Variants in HOXD3 observed in about 807,000 individuals in gnomAD.
HOXD3 encodes the protein homeobox protein Hox-D3.
In HOXD3, 13 loss-of-function variants were observed where a neutral mutation model predicts 32.8. That is an observed-to-expected ratio of 0.40 (90% CI 0.26 to 0.63). HOXD3 has a LOEUF of 0.63. Ranked by LOEUF, HOXD3 falls within the 20% of genes least tolerant of loss-of-function variation. The pLI is 0.44. For synonymous variants in HOXD3, 241 were observed against 246.8 expected, an observed-to-expected ratio of 0.98 and a Z score of 0.22; for missense variants, 504 against 577.1, an observed-to-expected ratio of 0.87 and a Z score of 1.30.
Position 176,169,139 on chromosome 2 carries a change from G to A in HOXD3, c.25G>A (p.Ala9Thr). Residue 9 changes from alanine (A) to threonine (T), a missense_variant, in exon 3 of 4, where the codon GCC (alanine) becomes ACC (threonine). Physicochemically the swap from Ala to Thr is moderately conservative, Grantham distance 58. This residue lies in a region of HOXD3 where 181 missense variants were observed against 172.2 expected (regional missense o/e 1.05). Transcript: ENST00000683222. Reference protein sequence around the residue: MLFEQGQQALELPECTMQK... With the variant: MLFEQGQQTLELPECTMQK... ...AATGTTATTTGAGCAGGGTCAGCAG[G>A]CCCTGGAGCTTCCTGAGTGCACAAT... 1 of 1,612,670 alleles carries A rather than the reference G, an allele frequency of 6.2e-7. No individual in the cohort carries two copies. Among genetic ancestry groups the A allele is most frequent in the South Asian group, 1.1e-5 (1 of 90,872 alleles).
rs183297724 is a variant in HOXD3, at chr2:176,169,771, G to A, written c.541+116G>A. The A allele has an allele frequency of 2.7e-5, 35 of 1,281,516 alleles. No homozygotes were observed. In the Admixed American group the frequency reaches 4.3e-4, roughly 16 times the overall value. 79.4% of individuals were successfully genotyped at this position (1,281,516 alleles called of 1,614,324 possible). A position where few individuals can be genotyped will look rare whatever the true frequency, so the allele number is the denominator to read the frequency against. On this transcript the variant is annotated intron_variant, in intron 3 of 3. Transcript: ENST00000683222. The stretch of plus-strand genomic sequence containing the variant: ...GTCATATGTCTAAACTCCTACTCAC[G>A]TCAAAATGTTCTTTTTTTTAGTGTT...
chr2:176,167,199 TTTC>T (rs1355438868), intron 2 of HOXD3, among the ~76,000 whole-genome samples: 3 of 152,220 alleles, frequency 2.0e-5, no homozygotes, highest in Non-Finnish European at 4.4e-5. Flanking sequence ...TTAGCTTTTT[TTTC>T]TTCTTCTAAT....
intron 1 of HOXD3, among the ~76,000 whole-genome samples, chr2:176,163,027 G>T (rs1034472276): frequency 5.3e-5 from 8 of 152,108 alleles, no homozygotes; most frequent in Non-Finnish European, 1.0e-4. Flanking sequence ...CTTGGGGGAG[G>T]GGGGCGGGCA....
At chr2:176,165,644 C>T (rs1320528309) in intron 2 of HOXD3, 1 of 152,294 alleles carries the variant, frequency 6.6e-6, no homozygotes, top group East Asian at 1.9e-4. Flanking sequence ...CTGGCCAGTT[C>T]CCCGGGCTAG....
At chr2:176,168,406 A>G (rs1574985735) in intron 2 of HOXD3, among the ~76,000 whole-genome samples, 2 of 152,290 alleles carry the variant, frequency 1.3e-5, no homozygotes, top group Admixed American at 1.3e-4. Context: ...GTCTCTACTA[A>G]AAATATAAAA....
At chr2:176,169,791 A>T in intron 3 of HOXD3, 136 bp downstream of exon 3, 1 of 1,108,694 alleles carries the variant, frequency 9.0e-7, no homozygotes, top group Non-Finnish European at 1.3e-6. Context: ...TCTTTTTTTT[A>T]GTGTTCCTGA....
Position 176,169,210 on chromosome 2 carries a change from TGGCTACAGCAAAACTACGGACACTTAC to T in HOXD3, c.107_133del (p.Lys36_Ser44del). 2 of 1,614,144 alleles carry T rather than the reference TGGCTACAGCAAAACTACGGACACTTAC, an allele frequency of 1.2e-6. No individual in the cohort carries two copies. Among genetic ancestry groups the T allele is most frequent in the Non-Finnish European group, 8.5e-7 (1 of 1,180,028 alleles). On this transcript the variant is annotated inframe_deletion, in exon 3 of 4. Coordinates refer to ENST00000683222, the MANE Select transcript of HOXD3 (RefSeq NM_006898.5). ...AAAACCCAGGACTGTTTGGAGGCTA[TGGCTACAGCAAAACTACGGACACTTAC>T]GGCTACAGCACCCCCCACCAGCCCT...
At chr2:176,165,306 T>G (rs1690929659) in intron 2 of HOXD3, 2 of 152,286 alleles carry the variant, frequency 1.3e-5, no homozygotes, top group South Asian at 4.1e-4. Flanking sequence ...CCCTGGTCGC[T>G]GTGAGCGCCT....
Position 176,172,902 on chromosome 2 carries a change from C to T in HOXD3, c.*628C>T, listed in dbSNP as rs778190272. 6.5e-6 allele frequency: 1 copy of T among 152,742 alleles called. No individual in the cohort carries two copies. The highest frequency in any genetic ancestry group is 1.5e-5 in the Non-Finnish European group (1 of 68,126). 9.5% of individuals were successfully genotyped at this position (152,742 alleles called of 1,614,324 possible). A position where few individuals can be genotyped will look rare whatever the true frequency, so the allele number is the denominator to read the frequency against. On this transcript the variant is annotated 3_prime_UTR_variant, in exon 4 of 4. Transcript: ENST00000683222. ...AGAGAGTAGTTTTGAACAGTCGTAA[C>T]CGTGGCTGGTGTTTGTAGTTGACAT... is the stretch of plus-strand genomic sequence containing the variant.
intron 2 of HOXD3, among the ~76,000 whole-genome samples, chr2:176,168,632 G>T (rs1691068358): frequency 6.6e-6 from 1 of 151,540 alleles, no homozygotes. Flanking sequence ...AGCTACTGCA[G>T]AGTAGCTGGG....
chr2:176,166,418 G>C (rs1214340647), intron 2 of HOXD3, among the ~76,000 whole-genome samples: 4 of 152,194 alleles, frequency 2.6e-5, no homozygotes, highest in Non-Finnish European at 4.4e-5. Flanking sequence ...GCAGCAGCAA[G>C]TTCTGGTAGT....
intron 1 of HOXD3, among the ~76,000 whole-genome samples, chr2:176,161,249 G>T (rs533053655): frequency 6.6e-6 from 1 of 152,228 alleles, no homozygotes; most frequent in African/African-American, 2.4e-5. Context: ...ATGGAGGACG[G>T]TGATTAATCG....
chr2:176,168,271 A>AC (rs1559140344), intron 2 of HOXD3, among the ~76,000 whole-genome samples: 6 of 151,132 alleles, frequency 4.0e-5, no homozygotes, highest in East Asian at 1.9e-4. Context: ...CAAAAAAAAA[A>AC]AAAAAAAAAC....
Position 176,171,967 on chromosome 2 carries a change from CGCCGGAGTTCGA to C in HOXD3, c.996_1007del (p.Glu333_Pro336del). 6.2e-7 allele frequency: 1 copy of C among 1,610,532 alleles called. No individual in the cohort carries two copies. Among genetic ancestry groups the C allele is most frequent in the South Asian group, 1.1e-5 (1 of 90,996 alleles). On this transcript the variant is annotated inframe_deletion, in exon 4 of 4. Coordinates refer to ENST00000683222, the MANE Select transcript of HOXD3 (RefSeq NM_006898.5). Reference sequence around the variant, plus strand: ...CTGCCACAACAGAAGCGCTACGCAGCGCCGGAGTTCGAGCCCCATCCCATGGCGAGCAACGGC... The same window carrying C: ...CTGCCACAACAGAAGCGCTACGCAGCGCCCCATCCCATGGCGAGCAACGGC...
chr2:176,166,504 A>T (rs1260122537), intron 2 of HOXD3, among the ~76,000 whole-genome samples: 1 of 152,214 alleles, frequency 6.6e-6, no homozygotes, highest in African/African-American at 2.4e-5. Flanking sequence ...CCTGAAACAT[A>T]ACCAAATCCA....
chr2:176,152,587 C>T (rs751964708), upstream of HOXD3: 1 of 1,606,146 alleles, frequency 6.2e-7, no homozygotes, highest in Non-Finnish European at 8.5e-7. This position sits in a 1 kb window ranked among gnomAD's most constrained non-coding sequence, Gnocchi z 5.2. Flanking sequence ...ACCTGCCTGT[C>T]CTGTCTGTTT....
upstream of HOXD3, chr2:176,152,765 G>C (rs982487864): frequency 1.2e-6 from 2 of 1,614,212 alleles, no homozygotes; most frequent in Non-Finnish European, 1.7e-6. This position sits in a 1 kb window ranked among gnomAD's most constrained non-coding sequence, Gnocchi z 5.2. Context: ...CGGAGCGCCA[G>C]ATCAAGATCT....
chr2:176,168,642 GA>G (rs1691068864), intron 2 of HOXD3, among the ~76,000 whole-genome samples: 1 of 152,054 alleles, frequency 6.6e-6, no homozygotes, highest in Non-Finnish European at 1.5e-5. Flanking sequence ...GAGTAGCTGG[GA>G]CTCTGAAATA....
chr2:176,152,578 C>G (rs763938217), upstream of HOXD3: 2 of 1,591,646 alleles, frequency 1.3e-6, no homozygotes, highest in Non-Finnish European at 1.7e-6. This position sits in a 1 kb window ranked among gnomAD's most constrained non-coding sequence, Gnocchi z 5.2. Flanking sequence ...CGGGCGCTGA[C>G]CTGCCTGTCC....
Sources: allele counts gnomAD v4.1 joint callset (sites outside exome capture counted in the v4.1 genomes callset), GRCh38; gene constraint gnomAD v4.1.1; regional missense constraint gnomAD v4.1.1; non-coding constraint Gnocchi (gnomAD v3.1); transcripts MANE v1.5; gene names NCBI Gene and HGNC (gene_info 2026-07-23, HGNC 2026-07-21).